Variants in DNAH11 observed in about 807,000 individuals in gnomAD.
DNAH11 encodes dynein axonemal heavy chain 11.
In DNAH11, 442 loss-of-function variants were observed where a neutral mutation model predicts 526.0. That is an observed-to-expected ratio of 0.84 (90% CI 0.78 to 0.91). The LOEUF (loss-of-function observed/expected upper bound fraction) is 0.91. Ranked by LOEUF, DNAH11 falls within the 40% of genes least tolerant of loss-of-function variation. The pLI, the probability that DNAH11 is intolerant of heterozygous loss-of-function variation, is 0.00. For missense variants in DNAH11, 6,989 were observed against 5,448.7 expected (o/e 1.28, Z -8.90); for synonymous variants, 2,461 against 1,935.9 (o/e 1.27, Z -7.12).
chr7:21,573,371 G>A (rs1783967675), intron 8 of DNAH11, among the ~76,000 whole-genome samples: 1 of 152,158 alleles, frequency 6.6e-6, no homozygotes, highest in African/African-American at 2.4e-5. Context: ...TTCCCCTGAA[G>A]TTCCCTTCAT....
At chr7:21,873,635 G>T (rs940236960) in intron 74 of DNAH11, 134 bp downstream of exon 74, 1 of 803,672 alleles carries the variant, frequency 1.2e-6, no homozygotes, top group Non-Finnish European at 2.0e-6. Context: ...GGAAGGGTAG[G>T]GGTGGGCGTG....
intron 55 of DNAH11, among the ~76,000 whole-genome samples, chr7:21,767,625 A>C (rs908489298): frequency 1.3e-5 from 2 of 152,156 alleles, no homozygotes; most frequent in African/African-American, 4.8e-5. Flanking sequence ...GTGCCTCAAA[A>C]CAAATGAGTC....
intron 28 of DNAH11, among the ~76,000 whole-genome samples, chr7:21,646,616 G>C (rs569925817): frequency 6.6e-6 from 1 of 152,174 alleles, no homozygotes; most frequent in African/African-American, 2.4e-5. Flanking sequence ...AACTACCCAG[G>C]CCTGGGGAAA....
chr7:21,744,615 T>C lies in DNAH11; in HGVS notation c.8316+16T>C, dbSNP rs1339464588. The C allele has an allele frequency of 1.1e-5, 17 of 1,611,330 alleles. No homozygotes were observed. The highest frequency in any genetic ancestry group is 1.3e-5 in the Non-Finnish European group (15 of 1,179,404). ...ATATTTTGAAGTAAGCGTATGAATG[T>C]CAGAGGTCACTACTTACTCCAACAC... is the stretch of plus-strand genomic sequence containing the variant. On this transcript the variant is annotated intron_variant, in intron 50 of 81. Transcript: ENST00000409508.
At chr7:21,572,802 C>T (rs1342025007) in intron 8 of DNAH11, among the ~76,000 whole-genome samples, 6 of 152,112 alleles carry the variant, frequency 3.9e-5, no homozygotes, top group Non-Finnish European at 5.9e-5. Flanking sequence ...GGTAGAAGGA[C>T]ACTGCTGTAA....
chr7:21,794,116 A>G (rs560293827), intron 61 of DNAH11, among the ~76,000 whole-genome samples: 7 of 152,314 alleles, frequency 4.6e-5, no homozygotes, highest in East Asian at 1.9e-4. Flanking sequence ...AATTATTTCA[A>G]TCTCTTAAAC....
At chr7:21,763,207 T>C (rs1216059516) in intron 54 of DNAH11, among the ~76,000 whole-genome samples, 1 of 151,502 alleles carries the variant, frequency 6.6e-6, no homozygotes, top group African/African-American at 2.4e-5. Flanking sequence ...CCTGGCGTGG[T>C]GGCAAGTGTC....
chr7:21,852,529 C>A lies in DNAH11; in HGVS notation c.10959C>A (p.Leu3653=). 10 of 1,613,664 alleles carry A rather than the reference C, an allele frequency of 6.2e-6. No homozygotes were observed. Among genetic ancestry groups the A allele is most frequent in the Non-Finnish European group, 7.6e-6 (9 of 1,179,732 alleles). The change falls in exon 67 of 82, where the codon CTC becomes CTA. Residue 3653 remains leucine, a synonymous_variant. Coordinates refer to ENST00000409508, the MANE Select transcript of DNAH11 (RefSeq NM_001277115.2). ...AGCTCAAGTATCTGGAAGACGATCT[C>A]CTTTTGCGCCTTTCTGCGGCAGAGG... The part of the protein sequence containing the change: ...KIELKYLEDD[L]LLRLSAAEGS...
chr7:21,822,418 C>T (rs1181008468), intron 65 of DNAH11, among the ~76,000 whole-genome samples: 2 of 152,180 alleles, frequency 1.3e-5, no homozygotes, highest in Non-Finnish European at 2.9e-5. Flanking sequence ...CATGAGAGAT[C>T]TGCCCCCATG....
Position 21,615,159 on chromosome 7 carries a change from C to T in DNAH11, c.3898C>T (p.Gln1300Ter). Residue 1300 changes from glutamine (Q) to a stop codon, truncating the protein, a stop_gained, in exon 21 of 82, where the codon CAA becomes TAA. Transcript: ENST00000409508. LOFTEE classifies it high-confidence loss of function. ...CTTAGAAGAAGAAATGTTGCAGATGCAAGAATCTACTCGTCTTTTTGAAGT... is the reference window on the plus strand; with the variant it reads ...CTTAGAAGAAGAAATGTTGCAGATGTAAGAATCTACTCGTCTTTTTGAAGT... Reference protein sequence around the residue: ...EALEEEMLQMQESTRLFEVAL... With the variant: ...EALEEEMLQM 6.2e-7 allele frequency: 1 copy of T among 1,612,620 alleles called. No homozygotes were observed. Among genetic ancestry groups the T allele is most frequent in the Admixed American group, 1.7e-5 (1 of 59,794 alleles).
At chr7:21,705,158 G>A (rs1404023468) in intron 38 of DNAH11, among the ~76,000 whole-genome samples, 2 of 150,718 alleles carry the variant, frequency 1.3e-5, no homozygotes, top group African/African-American at 5.0e-5. Context: ...ATAGTGATTG[G>A]CTATGTACAG....
intron 66 of DNAH11, among the ~76,000 whole-genome samples, chr7:21,847,316 A>G (rs1782456192): frequency 6.6e-6 from 1 of 152,178 alleles, no homozygotes; most frequent in African/African-American, 2.4e-5. Flanking sequence ...TAATATATGC[A>G]TTCAATGCTA....
At chr7:21,596,167 G>C (rs2128445369) in intron 14 of DNAH11, among the ~76,000 whole-genome samples, 1 of 152,328 alleles carries the variant, frequency 6.6e-6, no homozygotes, top group African/African-American at 2.4e-5. Flanking sequence ...CAAAGACTTT[G>C]TTTCTGTCTT....
At chr7:21,835,048 T>A (rs1396491363) in intron 65 of DNAH11, among the ~76,000 whole-genome samples, 2 of 151,856 alleles carry the variant, frequency 1.3e-5, no homozygotes, top group Admixed American at 1.3e-4. Context: ...GTATAACCTA[T>A]CAAAATTGAA....
At chr7:21,632,814 A>T (rs565900015) in intron 25 of DNAH11, among the ~76,000 whole-genome samples, 1 of 152,190 alleles carries the variant, frequency 6.6e-6, no homozygotes, top group African/African-American at 2.4e-5. Flanking sequence ...CCTGTTACCC[A>T]GTTCCAAAGT....
chr7:21,675,359 C>T (rs560653279), intron 30 of DNAH11, among the ~76,000 whole-genome samples: 16 of 152,318 alleles, frequency 1.1e-4, no homozygotes, highest in South Asian at 4.1e-4. Flanking sequence ...CTTCCTGTGG[C>T]ATAACGACTG....
intron 66 of DNAH11, among the ~76,000 whole-genome samples, chr7:21,844,808 T>C (rs756494061): frequency 8.5e-5 from 13 of 152,226 alleles, no homozygotes; most frequent in Non-Finnish European, 1.6e-4. Context: ...GCTGCTTTAC[T>C]TGGATTTGCC....
chr7:21,611,494 C>G (rs1583527188), intron 20 of DNAH11, among the ~76,000 whole-genome samples: 1 of 152,090 alleles, frequency 6.6e-6, no homozygotes, highest in East Asian at 1.9e-4. Flanking sequence ...TTATTTTTTC[C>G]TATTGGTTCT....
At position 21,725,984 on chromosome 7, in the gene DNAH11, G is replaced by T. The variant is rs1178667947; in HGVS notation, c.7440G>T (p.Gln2480His). The T allele has an allele frequency of 6.5e-7, 1 of 1,548,266 alleles. No homozygotes were observed. Among genetic ancestry groups the T allele is most frequent in the African/African-American group, 1.4e-5 (1 of 72,900 alleles). Reference protein sequence around the residue: ...QFTMDPDVPLQTVLVHTTETA... With the variant: ...QFTMDPDVPLHTVLVHTTETA... ...CTATGGATCCAGATGTGCCTCTGCAGGTAGGTGTGTGGAACATAGCAATTG... is the reference window on the plus strand; with the variant it reads ...CTATGGATCCAGATGTGCCTCTGCATGTAGGTGTGTGGAACATAGCAATTG... The change falls in exon 45 of 82, where the codon CAG becomes CAT. Residue 2480 changes from glutamine (Q) to histidine (H), a missense_variant and splice_region_variant. Transcript: ENST00000409508.
Sources: allele counts gnomAD v4.1 joint callset (sites outside exome capture counted in the v4.1 genomes callset), GRCh38; gene constraint gnomAD v4.1.1; transcripts MANE v1.5; gene names NCBI Gene and HGNC (gene_info 2026-07-23, HGNC 2026-07-21).